MAST4: variants seen among roughly 807,000 people sequenced by gnomAD.
The protein encoded by MAST4 is microtubule associated serine/threonine kinase family member 4, also known as microtubule-associated serine/threonine-protein kinase 4.
Under a neutral mutation model 162.7 loss-of-function variants are expected in MAST4, and 89 were observed. The ratio of observed to expected loss-of-function variants is 0.55; its 90% CI spans 0.46 to 0.65. The LOEUF (loss-of-function observed/expected upper bound fraction) is 0.65. Ranked by LOEUF, MAST4 falls within the 30% of genes least tolerant of loss-of-function variation. The pLI, the probability that MAST4 is intolerant of heterozygous loss-of-function variation, is 0.00. For missense variants in MAST4, 3,153 were observed against 3,374.0 expected (o/e 0.93, Z 1.62); for synonymous variants, 1,479 against 1,361.1 (o/e 1.09, Z -1.91).
chr5:67,149,489 C>T lies in MAST4; in HGVS notation c.3195C>T (p.His1065=). The change falls in exon 24 of 29, where the codon CAC becomes CAT. Residue 1065 remains histidine (H), a synonymous_variant. Coordinates refer to ENST00000403625, the MANE Select transcript of MAST4 (RefSeq NM_001164664.2). ...AGCCATCCAGTGAACCCGCTTCTCA[C>T]ATGGCTCGGCAGCGATTAGAAAGCA... is the stretch of plus-strand genomic sequence containing the variant. ...SSKPSSEPAS[H]MARQRLESTE... is the part of the protein sequence containing the mutation. The T allele has an allele frequency of 6.2e-7, 1 of 1,613,832 alleles. No individual in the cohort carries two copies.
At chr5:67,060,289 TG>T in intron 5 of MAST4, among the ~76,000 whole-genome samples, 1 of 152,128 alleles carries the variant, frequency 6.6e-6, no homozygotes, top group Middle Eastern at 3.4e-3. Flanking sequence ...AATTGGACGG[TG>T]GTAAAGGCAA....
intron 4 of MAST4, among the ~76,000 whole-genome samples, chr5:66,944,744 A>G (rs1209694755): frequency 6.6e-6 from 1 of 152,150 alleles, no homozygotes; most frequent in Non-Finnish European, 1.5e-5. Flanking sequence ...GTCAATCAGA[A>G]GCCTAGACAG....
intron 4 of MAST4, among the ~76,000 whole-genome samples, chr5:66,911,883 G>A (rs1458618600): frequency 2.0e-5 from 3 of 152,144 alleles, no homozygotes; most frequent in Non-Finnish European, 4.4e-5. Flanking sequence ...TTATAGTGCA[G>A]AAAAAATGAT....
At chr5:66,706,661 A>T (rs984777264) in intron 1 of MAST4, among the ~76,000 whole-genome samples, 1 of 151,500 alleles carries the variant, frequency 6.6e-6, no homozygotes, top group African/African-American at 2.4e-5. Context: ...CTAATGATTC[A>T]TAAACATTCT....
At chr5:67,065,365 C>T (rs16896231) in intron 5 of MAST4, among the ~76,000 whole-genome samples, 3,816 of 152,300 alleles carry the variant, frequency 0.025, 135 homozygotes, top group East Asian at 0.17. Context: ...CAGCAGTTTA[C>T]TCTCAGGTTT....
At chr5:66,706,272 C>T (rs930133213) in intron 1 of MAST4, among the ~76,000 whole-genome samples, 1 of 152,106 alleles carries the variant, frequency 6.6e-6, no homozygotes, top group Non-Finnish European at 1.5e-5. Context: ...ATGAGCGAAT[C>T]CATGCATTTG....
chr5:66,671,961 T>A (rs568311625), intron 1 of MAST4, among the ~76,000 whole-genome samples: 1 of 152,230 alleles, frequency 6.6e-6, no homozygotes, highest in African/African-American at 2.4e-5. Flanking sequence ...GTGTCTTACA[T>A]TGGCAAACTA....
chr5:66,996,799 A>G (rs1176356913), intron 4 of MAST4, among the ~76,000 whole-genome samples: 2 of 152,166 alleles, frequency 1.3e-5, no homozygotes, highest in African/African-American at 4.8e-5. Flanking sequence ...TTTAAGGCCC[A>G]CCTGGATAAC....
In MAST4 at chr5:66,652,392, C is replaced by G. The variant is rs566309613; in HGVS notation, c.363+55374C>G. 3.9e-4 allele frequency among the ~76,000 whole-genome samples: 60 copies of G among 152,248 alleles called. 1 individual carries two copies. Among genetic ancestry groups the G allele is most frequent in the Admixed American group, 3.9e-3 (60 of 15,292 alleles). ...ATAATTATTACAAAAAGAGATGGTA[C>G]AAACTAATGAACATTTAAATTAAAA... On this transcript the variant is annotated intron_variant, in intron 1 of 28. Transcript: ENST00000403625.
At chr5:66,959,129 C>G (rs1285306870) in intron 4 of MAST4, 1 of 717,804 alleles carries the variant, frequency 1.4e-6, no homozygotes. Context: ...CCCCCTCCCC[C>G]TCGAGAGAGT....
At chr5:66,928,028 T>A (rs1765033843) in intron 4 of MAST4, among the ~76,000 whole-genome samples, 1 of 152,174 alleles carries the variant, frequency 6.6e-6, no homozygotes, top group Non-Finnish European at 1.5e-5. Flanking sequence ...TTCCACTTTT[T>A]TATAAGGACA....
At chr5:67,037,872 T>A (rs1756215223) in intron 4 of MAST4, among the ~76,000 whole-genome samples, 1 of 151,698 alleles carries the variant, frequency 6.6e-6, no homozygotes, top group Non-Finnish European at 1.5e-5. Context: ...GCCCAGGGAT[T>A]TTTTTTTCTT....
intron 1 of MAST4, among the ~76,000 whole-genome samples, chr5:66,740,318 A>G (rs1176820273): frequency 6.6e-6 from 1 of 152,240 alleles, no homozygotes; most frequent in Non-Finnish European, 1.5e-5. Context: ...TTGGCTGATG[A>G]TTGATCTTGA....
At chr5:66,659,625 A>T (rs1022208584) in intron 1 of MAST4, among the ~76,000 whole-genome samples, 1 of 152,152 alleles carries the variant, frequency 6.6e-6, no homozygotes, top group Non-Finnish European at 1.5e-5. Context: ...TTTTGTTATC[A>T]TGTATTTATT....
chr5:67,019,562 G>A (rs1753721148), intron 4 of MAST4, among the ~76,000 whole-genome samples: 1 of 152,156 alleles, frequency 6.6e-6, no homozygotes, highest in Non-Finnish European at 1.5e-5. Flanking sequence ...TTTCTCCATA[G>A]GGGAACAATG....
intron 1 of MAST4, among the ~76,000 whole-genome samples, chr5:66,736,305 T>C (rs1279615076): frequency 1.3e-5 from 2 of 149,334 alleles, no homozygotes; most frequent in East Asian, 2.0e-4. Flanking sequence ...GGCAACCATG[T>C]AGTGAGGGAA....
chr5:66,805,417 C>T (rs1342624608), intron 3 of MAST4, among the ~76,000 whole-genome samples: 2 of 152,194 alleles, frequency 1.3e-5, no homozygotes, highest in Non-Finnish European at 1.5e-5. Flanking sequence ...CCTTATCATG[C>T]TTGCAGTTAA....
At chr5:67,042,444 G>A (rs1322093912) in intron 4 of MAST4, among the ~76,000 whole-genome samples, 1 of 151,988 alleles carries the variant, frequency 6.6e-6, no homozygotes, top group Non-Finnish European at 1.5e-5. Flanking sequence ...GAATGACTAA[G>A]AAAACATTAG....
intron 1 of MAST4, among the ~76,000 whole-genome samples, chr5:66,638,045 C>G (rs1231936721): frequency 1.3e-5 from 2 of 152,168 alleles, no homozygotes; most frequent in Non-Finnish European, 2.9e-5. Flanking sequence ...CCTCAGTTTT[C>G]TTAATTAAAT....
Sources: gnomAD v4.1 joint callset for allele counts (sites outside exome capture counted in the v4.1 genomes callset) on GRCh38, gnomAD v4.1.1 for gene constraint, MANE v1.5 for transcripts, NCBI Gene and HGNC (gene_info 2026-07-23, HGNC 2026-07-21) for gene names.